The following ATP8A1 variants were observed in gnomAD, a reference collection of about 807,000 sequenced individuals.
ATP8A1 encodes ATPase phospholipid transporting 8A1, also known as phospholipid-transporting ATPase IA.
A neutral mutation model predicts 177.7 loss-of-function variants in ATP8A1; 90 were observed. That is an observed-to-expected ratio of 0.51 (90% CI 0.43 to 0.60). The LOEUF is 0.60. Ranked by LOEUF, ATP8A1 falls within the 20% of genes least tolerant of loss-of-function variation. The pLI, the probability that ATP8A1 is intolerant of heterozygous loss-of-function variation, is 0.00. For missense variants in ATP8A1, 1,072 were observed against 1,392.8 expected, an observed-to-expected ratio of 0.77 and a Z score of 3.67; for synonymous variants, 493 against 485.9, an observed-to-expected ratio of 1.01 and a Z score of -0.19.
chr4:42,547,115 C>T (rs1729014223), intron 19 of ATP8A1, among the ~76,000 whole-genome samples: 1 of 152,216 alleles, frequency 6.6e-6, no homozygotes, highest in Non-Finnish European at 1.5e-5. Context: ...GATAGCTCTG[C>T]TTGTATGTCT....
At chr4:42,466,031 CAAAAA>C (rs57949092) in intron 25 of ATP8A1, among the ~76,000 whole-genome samples, 9 of 108,100 alleles carry the variant, frequency 8.3e-5, no homozygotes, top group South Asian at 3.2e-4. Flanking sequence ...GACTCCGTCT[CAAAAA>C]AAAAAAAAAA....
intron 9 of ATP8A1, among the ~76,000 whole-genome samples, chr4:42,583,631 G>A (rs13124088): frequency 0.17 from 25,892 of 152,144 alleles, 2,259 homozygotes; most frequent in East Asian, 0.26. Context: ...GGTGTTCCAA[G>A]GCTTCTGGCA....
intron 33 of ATP8A1, among the ~76,000 whole-genome samples, chr4:42,431,900 A>C (rs1226521843): frequency 6.6e-6 from 1 of 152,170 alleles, no homozygotes; most frequent in African/African-American, 2.4e-5. Context: ...ATCATCAATA[A>C]AAATCTTCAA....
chr4:42,488,736 C>T (rs945644826), intron 24 of ATP8A1, among the ~76,000 whole-genome samples: 1 of 152,104 alleles, frequency 6.6e-6, no homozygotes, highest in Non-Finnish European at 1.5e-5. Flanking sequence ...CCTGGAATGT[C>T]CTCCTCTCCA....
chr4:42,477,573 T>A (rs13116032), intron 25 of ATP8A1, among the ~76,000 whole-genome samples: 1 of 152,128 alleles, frequency 6.6e-6, no homozygotes. Context: ...ATTGCAGTAC[T>A]TTTCATTGTA....
At chr4:42,577,880 A>G (rs1359070307) in intron 12 of ATP8A1, among the ~76,000 whole-genome samples, 2 of 152,184 alleles carry the variant, frequency 1.3e-5, no homozygotes, top group Non-Finnish European at 2.9e-5. Context: ...AACCACTGTA[A>G]GATGTAGGTA....
In ATP8A1 at chr4:42,505,558, A is replaced by T. The variant is rs577230545; in HGVS notation, c.2086+1458T>A. 6.6e-5 allele frequency among the ~76,000 whole-genome samples: 10 copies of T among 152,122 alleles called. No individual in the cohort carries two copies. The East Asian group carries it at 1.9e-3, about 29-fold the overall frequency. On this transcript the variant is annotated intron_variant, in intron 23 of 36. Coordinates refer to ENST00000381668, the MANE Select transcript of ATP8A1 (RefSeq NM_006095.2). ...CATTTTCTCTCTAATAGCAGCGATA[A>T]TTTTTACAATCAAAATTAACAACTT...
At chr4:42,419,947 G>A (rs149241466) in intron 35 of ATP8A1, among the ~76,000 whole-genome samples, 3,974 of 152,022 alleles carry the variant, frequency 0.026, 169 homozygotes, top group African/African-American at 0.089. Flanking sequence ...AGGTTGCAGT[G>A]AGCCGAGATT....
chr4:42,482,430 G>A (rs998373742), intron 25 of ATP8A1, among the ~76,000 whole-genome samples: 6 of 151,628 alleles, frequency 4.0e-5, no homozygotes, highest in Non-Finnish European at 5.9e-5. Flanking sequence ...AAAAATATTT[G>A]AGGCACAACA....
At chr4:42,424,703 C>T (rs1714384259) in intron 33 of ATP8A1, among the ~76,000 whole-genome samples, 1 of 152,184 alleles carries the variant, frequency 6.6e-6, no homozygotes. Flanking sequence ...TTTCAGATTA[C>T]TTATTCATTT....
At chr4:42,528,485 T>C (rs1364778497) in intron 20 of ATP8A1, among the ~76,000 whole-genome samples, 1 of 152,086 alleles carries the variant, frequency 6.6e-6, no homozygotes, top group Non-Finnish European at 1.5e-5. Context: ...TGACAGTGGA[T>C]TATCAGAAGT....
At chr4:42,424,119 A>G (rs1714309438) in intron 33 of ATP8A1, among the ~76,000 whole-genome samples, 1 of 152,142 alleles carries the variant, frequency 6.6e-6, no homozygotes, top group Non-Finnish European at 1.5e-5. Flanking sequence ...TTTTTGTTCA[A>G]TGATTTATAT....
chr4:42,633,944 G>A (rs917173587), intron 1 of ATP8A1, among the ~76,000 whole-genome samples: 8 of 152,178 alleles, frequency 5.3e-5, no homozygotes, highest in Non-Finnish European at 1.0e-4. Context: ...AGGGGAGAAT[G>A]AGCTTGGCAT....
At chr4:42,476,879 C>A (rs2153187028) in intron 25 of ATP8A1, among the ~76,000 whole-genome samples, 1 of 152,204 alleles carries the variant, frequency 6.6e-6, no homozygotes, top group Non-Finnish European at 1.5e-5. Flanking sequence ...GAGAAGAAAC[C>A]CAACAGAAAT....
intron 15 of ATP8A1, among the ~76,000 whole-genome samples, chr4:42,560,980 A>T (rs867587815): frequency 2.6e-5 from 4 of 152,212 alleles, no homozygotes; most frequent in Non-Finnish European, 5.9e-5. Context: ...TGTTTTAAAC[A>T]TGTTTATTTA....
intron 7 of ATP8A1, 141 bp downstream of exon 7, chr4:42,590,670 A>G: frequency 1.4e-6 from 1 of 706,710 alleles, no homozygotes; most frequent in Non-Finnish European, 2.4e-6. Context: ...AACATCTGTG[A>G]AATGTCCATC....
At chr4:42,572,208 T>A (rs1037943292) in intron 14 of ATP8A1, among the ~76,000 whole-genome samples, 24 of 152,196 alleles carry the variant, frequency 1.6e-4, no homozygotes, top group African/African-American at 5.8e-4. Flanking sequence ...CCACTGGGGT[T>A]AAAAGTGCTC....
chr4:42,617,091 CA>C (rs1736996302), intron 4 of ATP8A1, among the ~76,000 whole-genome samples: 1 of 152,158 alleles, frequency 6.6e-6, no homozygotes, highest in Non-Finnish European at 1.5e-5. Context: ...CTAAGTTTTC[CA>C]TTTGAGAAAA....
At position 42,412,887 on chromosome 4, in the gene ATP8A1, A is replaced by AAC. The variant is rs761083373; in HGVS notation, c.*27_*28dup. The AAC allele has an allele frequency of 8.1e-6, 13 of 1,597,298 alleles. No individual in the cohort carries two copies. In the South Asian group the frequency reaches 1.4e-4, roughly 18 times the overall value. On this transcript the variant is annotated 3_prime_UTR_variant, in exon 37 of 37. Coordinates refer to ENST00000381668, the MANE Select transcript of ATP8A1 (RefSeq NM_006095.2). ...ACCTGGTAGCTCTCCTTAGAGAGGTAACAGAGCCTGCCTTTCAGGCTCTCC... is the reference window on the plus strand; with the variant it reads ...ACCTGGTAGCTCTCCTTAGAGAGGTAACACAGAGCCTGCCTTTCAGGCTCTCC...
Sources: allele counts gnomAD v4.1 joint callset (sites outside exome capture counted in the v4.1 genomes callset), GRCh38; gene constraint gnomAD v4.1.1; transcripts MANE v1.5; gene names NCBI Gene and HGNC (gene_info 2026-07-23, HGNC 2026-07-21).